AKAP7: variants seen among roughly 807,000 people sequenced by gnomAD.
AKAP7 encodes the protein A kinase (PRKA) anchor protein 7.
AKAP7 carries 39 observed loss-of-function variants against 39.5 expected under a neutral mutation model. That is an observed-to-expected ratio of 0.99 (90% CI 0.76 to 1.29). The LOEUF is 1.29. Among genes scored for constraint, AKAP7 ranks in the 50% most tolerant of loss-of-function variants. AKAP7 has a pLI of 0.00. For missense variants in AKAP7, 414 were observed against 407.7 expected, an observed-to-expected ratio of 1.02 and a Z score of -0.13; for synonymous variants, 140 against 139.1, an observed-to-expected ratio of 1.01 and a Z score of -0.05.
chr6:131,152,542 T>C (rs979734492), intron 2 of AKAP7, among the ~76,000 whole-genome samples: 25 of 152,106 alleles, frequency 1.6e-4, no homozygotes, highest in Admixed American at 1.6e-3. Flanking sequence ...AGAAGAAATA[T>C]TGGGGCCGGG....
intron 7 of AKAP7, among the ~76,000 whole-genome samples, chr6:131,235,391 C>T (rs1810963773): frequency 6.6e-6 from 1 of 152,134 alleles, no homozygotes; most frequent in Non-Finnish European, 1.5e-5. Context: ...GTCTTTATAG[C>T]AGCATGTTTT....
chr6:131,246,935 A>G (rs1432931841), intron 7 of AKAP7, among the ~76,000 whole-genome samples: 1 of 150,260 alleles, frequency 6.7e-6, no homozygotes, highest in African/African-American at 2.5e-5. Flanking sequence ...AGAGCCAGAC[A>G]GATTGAGTTC....
At chr6:131,229,700 CTT>C (rs1205194302) in intron 7 of AKAP7, among the ~76,000 whole-genome samples, 1 of 152,142 alleles carries the variant, frequency 6.6e-6, no homozygotes, top group Non-Finnish European at 1.5e-5. Flanking sequence ...TGAGGTATAA[CTT>C]ATATGCAAAA....
At chr6:131,164,424 A>T in intron 3 of AKAP7, 1 of 455,656 alleles carries the variant, frequency 2.2e-6, no homozygotes, top group South Asian at 1.6e-5. Flanking sequence ...AGAGGAAGGG[A>T]GATGGTGGAC....
At chr6:131,272,079 T>C (rs73633701) in intron 7 of AKAP7, among the ~76,000 whole-genome samples, 5,810 of 152,268 alleles carry the variant, frequency 0.038, 359 homozygotes, top group African/African-American at 0.13. Context: ...TGGAATGTGG[T>C]ATCAAAAAAT....
chr6:131,213,756 C>A (rs1354884737), intron 6 of AKAP7, among the ~76,000 whole-genome samples: 1 of 152,136 alleles, frequency 6.6e-6, no homozygotes, highest in African/African-American at 2.4e-5. Flanking sequence ...GTCTCTCCTG[C>A]AGGAAATGAG....
intron 2 of AKAP7, among the ~76,000 whole-genome samples, chr6:131,147,195 T>G (rs931516674): frequency 1.7e-4 from 26 of 152,232 alleles, no homozygotes; most frequent in African/African-American, 6.3e-4. Context: ...TTTTTCAACC[T>G]TTGCATCCTG....
intron 4 of AKAP7, 124 bp from the exon 5 acceptor site, chr6:131,168,989 A>T: frequency 1.2e-6 from 1 of 824,908 alleles, no homozygotes; most frequent in Non-Finnish European, 1.8e-6. Flanking sequence ...AGGTATTTTG[A>T]GCCTTAAAAT....
rs567454808 is a variant in AKAP7 at position 131,195,128 on chromosome 6, T to C, written c.590-4333T>C. Among the ~76,000 whole-genome samples, 33 of 151,938 alleles carry C rather than the reference T, an allele frequency of 2.2e-4. No individual in the cohort carries two copies. In the South Asian group the frequency reaches 6.2e-3, roughly 29 times the overall value. ...CCTCTCCTCCTCCTTTCTTCTTGCC[T>C]TTTTTTTAGTGAGGGTGATTTTCTT... On this transcript the variant is annotated intron_variant, in intron 5 of 7. Coordinates refer to ENST00000431975, the MANE Select transcript of AKAP7 (RefSeq NM_016377.4).
At chr6:131,278,952 G>A (rs1814976043) in intron 7 of AKAP7, among the ~76,000 whole-genome samples, 2 of 152,194 alleles carry the variant, frequency 1.3e-5, no homozygotes, top group Admixed American at 1.3e-4. Context: ...CTGAGGAGAT[G>A]TTGGAAGCTG....
chr6:131,136,824 TG>T, intron 1 of AKAP7: 1 of 983,972 alleles, frequency 1.0e-6, no homozygotes, highest in Admixed American at 6.1e-5. Context: ...TCTACGCAGC[TG>T]TCAACATTTA....
chr6:131,229,159 G>A (rs1235518639), intron 7 of AKAP7, among the ~76,000 whole-genome samples: 1 of 152,134 alleles, frequency 6.6e-6, no homozygotes, highest in African/African-American at 2.4e-5. Flanking sequence ...ATACTTGGGT[G>A]TTGACAGGCA....
chr6:131,262,618 A>AATAT (rs540139135), intron 7 of AKAP7, among the ~76,000 whole-genome samples: 3,746 of 151,864 alleles, frequency 0.025, 99 homozygotes, highest in African/African-American at 0.066. Flanking sequence ...TTTTTAAAAA[A>AATAT]ATATATATAT....
chr6:131,267,247 G>T (rs770743437), intron 7 of AKAP7, among the ~76,000 whole-genome samples: 1 of 152,124 alleles, frequency 6.6e-6, no homozygotes, highest in Non-Finnish European at 1.5e-5. Context: ...CTCTCACTAA[G>T]CATAATGACT....
chr6:131,138,351 T>C (rs1043439521), intron 1 of AKAP7, among the ~76,000 whole-genome samples: 2 of 152,242 alleles, frequency 1.3e-5, no homozygotes, highest in Non-Finnish European at 2.9e-5. Flanking sequence ...ATATTTCCTT[T>C]TTCCATTGGA....
intron 6 of AKAP7, among the ~76,000 whole-genome samples, chr6:131,213,163 T>G (rs1371117192): frequency 1.3e-5 from 2 of 152,306 alleles, no homozygotes; most frequent in East Asian, 1.9e-4. Flanking sequence ...TAGGCCAGTG[T>G]TATGTGGCAA....
chr6:131,281,839 G>C lies in AKAP7; in HGVS notation c.*113G>C, dbSNP rs1815224289. ...AAGTTAAGTTTCTCTGGTGCAATCT[G>C]TGAAGATTGCCTAATACTTTTCATG... On this transcript the variant is annotated 3_prime_UTR_variant, in exon 8 of 8. Transcript: ENST00000431975. The surrounding 1 kb of genome is among the most constrained non-coding windows in gnomAD (Gnocchi z 4.0). 7.5e-7 allele frequency: 1 copy of C among 1,341,250 alleles called. No homozygotes were observed. The highest frequency in any genetic ancestry group is 3.5e-5 in the Admixed American group (1 of 28,356). The allele number at this position is 1,341,250 out of a possible 1,614,324, so 83.1% of individuals were successfully genotyped here.
the AKAP7 span, among the ~76,000 whole-genome samples, chr6:131,130,201 G>T: frequency 2.6e-5 from 4 of 152,202 alleles, no homozygotes; most frequent in African/African-American, 9.7e-5. Context: ...GAAACTTGCT[G>T]TATCTCAAGG....
chr6:131,253,581 T>C (rs961435354), intron 7 of AKAP7, among the ~76,000 whole-genome samples: 6 of 152,148 alleles, frequency 3.9e-5, no homozygotes, highest in Non-Finnish European at 5.9e-5. Context: ...TTGTACCTAT[T>C]AACCTCTCAT....
Sources: gnomAD v4.1 joint callset for allele counts (sites outside exome capture counted in the v4.1 genomes callset) on GRCh38, gnomAD v4.1.1 for gene constraint, Gnocchi (gnomAD v3.1) non-coding constraint, MANE v1.5 for transcripts, NCBI Gene and HGNC (gene_info 2026-07-23, HGNC 2026-07-21) for gene names.